The following LRP6 variants were observed in gnomAD, a reference collection of about 807,000 sequenced individuals.
LRP6 encodes LDL receptor related protein 6, also known as low-density lipoprotein receptor-related protein 6.
LRP6 carries 43 observed loss-of-function variants against 184.1 expected under a neutral mutation model. That is an observed-to-expected ratio of 0.23 (90% CI 0.18 to 0.30). LRP6 has a LOEUF of 0.30. LRP6 is among the 10% of genes least tolerant of loss of function. LRP6 has a pLI of 1.00. For synonymous variants in LRP6, 719 were observed against 684.9 expected (o/e 1.05, Z -0.78); for missense variants, 1,571 against 2,005.3 (o/e 0.78, Z 4.14).
chr12:12,227,850 T>C (rs1193290554), intron 2 of LRP6, among the ~76,000 whole-genome samples: 1 of 152,188 alleles, frequency 6.6e-6, no homozygotes, highest in African/African-American at 2.4e-5. Context: ...ATTAGGAGTA[T>C]TTTGTTTCAG....
Position 12,120,866 on chromosome 12 carries a change from G to T in LRP6, c.*260C>A. ...AAGGCATGCTTTGTGTATTTAGTTT[G>T]CAAAAATAAAACTTTTAGTACAAAT... On this transcript the variant is annotated 3_prime_UTR_variant, in exon 23 of 23. Transcript: ENST00000261349. 3.2e-6 allele frequency: 1 copy of T among 317,298 alleles called. No homozygotes were observed. The highest frequency in any genetic ancestry group is 5.8e-6 in the Non-Finnish European group (1 of 173,760). The allele number at this position is 317,298 out of a possible 1,614,324, so 19.7% of individuals were successfully genotyped here.
At chr12:12,179,234 C>T (rs1436965101) in intron 7 of LRP6, among the ~76,000 whole-genome samples, 2 of 152,100 alleles carry the variant, frequency 1.3e-5, no homozygotes, top group African/African-American at 4.8e-5. Flanking sequence ...AATATTTTTT[C>T]CCAAGCTTTG....
intron 1 of LRP6, among the ~76,000 whole-genome samples, chr12:12,253,424 TC>T (rs1865375620): frequency 1.3e-5 from 2 of 152,214 alleles, no homozygotes; most frequent in Admixed American, 1.3e-4. Context: ...TCACTTTTTT[TC>T]TTTTTTTTTA....
At chr12:12,157,969 G>C (rs1862639895) in intron 12 of LRP6, among the ~76,000 whole-genome samples, 1 of 152,080 alleles carries the variant, frequency 6.6e-6, no homozygotes. Flanking sequence ...CAGGAGATGA[G>C]GGAGTCACAC....
intron 7 of LRP6, among the ~76,000 whole-genome samples, chr12:12,175,600 T>G (rs545706070): frequency 6.8e-6 from 1 of 146,010 alleles, no homozygotes; most frequent in Admixed American, 7.0e-5. Context: ...GGCAGGAAAA[T>G]TGCGTGAACC....
intron 2 of LRP6, among the ~76,000 whole-genome samples, chr12:12,241,822 G>A (rs564097702): frequency 1.3e-5 from 2 of 152,260 alleles, no homozygotes. Context: ...AATTGCTACT[G>A]ATTCTTCCAA....
chr12:12,185,636 T>A (rs1302744309), intron 4 of LRP6, among the ~76,000 whole-genome samples: 3 of 152,190 alleles, frequency 2.0e-5, no homozygotes, highest in African/African-American at 7.2e-5. Context: ...AGTCCTCTCT[T>A]ACAAGTTCTC....
chr12:12,265,612 G>A (rs1865735975), intron 1 of LRP6, among the ~76,000 whole-genome samples: 1 of 152,076 alleles, frequency 6.6e-6, no homozygotes, highest in African/African-American at 2.4e-5. Context: ...TACTATGAAC[G>A]CCAGTAAGAA....
chr12:12,180,025 T>C, intron 6 of LRP6, 44 bp from the exon 7 acceptor site: 3 of 1,517,992 alleles, frequency 2.0e-6, no homozygotes, highest in Non-Finnish European at 2.7e-6. Context: ...GATAATAAAA[T>C]GTAACTTTCA....
At chr12:12,209,161 A>AGCCC in intron 2 of LRP6, among the ~76,000 whole-genome samples, 1 of 152,234 alleles carries the variant, frequency 6.6e-6, no homozygotes, top group South Asian at 2.1e-4. Flanking sequence ...GACCAGAAGC[A>AGCCC]ATTTGCACAC....
intron 2 of LRP6, among the ~76,000 whole-genome samples, chr12:12,239,261 T>C (rs2135908357): frequency 6.6e-6 from 1 of 152,324 alleles, no homozygotes; most frequent in East Asian, 1.9e-4. Context: ...AAGCTTTAGA[T>C]TTTAAATAAT....
At chr12:12,171,274 T>A (rs1351337875) in intron 7 of LRP6, among the ~76,000 whole-genome samples, 1 of 152,184 alleles carries the variant, frequency 6.6e-6, no homozygotes, top group East Asian at 1.9e-4. Flanking sequence ...CCCAGCACTT[T>A]GGGAGGCCAA....
At chr12:12,153,856 C>T (rs947502380) in intron 12 of LRP6, among the ~76,000 whole-genome samples, 6 of 152,176 alleles carry the variant, frequency 3.9e-5, no homozygotes, top group African/African-American at 1.4e-4. Context: ...CTTCTGAAGG[C>T]ATATGTGTTC....
At position 12,184,081 on chromosome 12, in the gene LRP6, C is replaced by A; in HGVS notation, c.875G>T (p.Gly292Val). The A allele has an allele frequency of 6.2e-7, 1 of 1,613,372 alleles. No homozygotes were observed. Among genetic ancestry groups the A allele is most frequent in the Non-Finnish European group, 8.5e-7 (1 of 1,179,372 alleles). The change falls in exon 5 of 23, where the codon GGT becomes GTT. Residue 292 changes from glycine to valine, a missense_variant. This residue lies in a region of LRP6 where 640 missense variants were observed against 851.9 expected (regional missense o/e 0.75). Coordinates refer to ENST00000261349, the MANE Select transcript of LRP6 (RefSeq NM_002336.3). The part of the protein sequence containing the change: ...ATNPCGIDNG[G>V]CSHLCLMSPV... ...AGACATCAAACACAAATGGGAACAA[C>A]CCCCATTGTCAATTCCACATGGATT... is the stretch of plus-strand genomic sequence containing the variant.
At chr12:12,179,233 T>TC in intron 7 of LRP6, among the ~76,000 whole-genome samples, 1 of 152,280 alleles carries the variant, frequency 6.6e-6, no homozygotes, top group East Asian at 1.9e-4. Context: ...AAATATTTTT[T>TC]CCCAAGCTTT....
At chr12:12,221,039 T>C (rs1170960960) in intron 2 of LRP6, among the ~76,000 whole-genome samples, 2 of 152,202 alleles carry the variant, frequency 1.3e-5, no homozygotes, top group Non-Finnish European at 2.9e-5. Context: ...GCAGTCTCAG[T>C]TCTTCCCACA....
chr12:12,235,738 AAAAG>A (rs1864915848), intron 2 of LRP6, among the ~76,000 whole-genome samples: 1 of 151,878 alleles, frequency 6.6e-6, no homozygotes, highest in African/African-American at 2.4e-5. Flanking sequence ...CTCAAAAAAA[AAAAG>A]AAAAAGAAAA....
At chr12:12,212,138 T>A (rs1435148263) in intron 2 of LRP6, among the ~76,000 whole-genome samples, 1 of 152,196 alleles carries the variant, frequency 6.6e-6, no homozygotes, top group East Asian at 1.9e-4. Flanking sequence ...CACTCTAGAT[T>A]CCAGGTCCTT....
intron 2 of LRP6, 111 bp downstream of exon 2, chr12:12,244,150 TA>T (rs1865130124): frequency 9.4e-7 from 1 of 1,064,638 alleles, no homozygotes; most frequent in Non-Finnish European, 1.4e-6. Context: ...CCAAAGAATC[TA>T]AAATTCCTGT....
Sources: allele counts gnomAD v4.1 joint callset (sites outside exome capture counted in the v4.1 genomes callset), GRCh38; gene constraint gnomAD v4.1.1; regional missense constraint gnomAD v4.1.1; transcripts MANE v1.5; gene names NCBI Gene and HGNC (gene_info 2026-07-23, HGNC 2026-07-21).